Variants in TSEN2 observed in about 807,000 individuals in gnomAD.
TSEN2 encodes the protein tRNA splicing endonuclease subunit 2, also known as tRNA-splicing endonuclease subunit Sen2.
A neutral mutation model predicts 59.2 loss-of-function variants in TSEN2; 54 were observed. The observed-to-expected ratio is 0.91, with a 90% CI of 0.73 to 1.14. The LOEUF is 1.14. Ranked by LOEUF, TSEN2 falls within the 50% of genes most tolerant of loss-of-function variation. The probability of loss-of-function intolerance (pLI) is 0.00; values close to 1 mark genes in which losing one functional copy is unlikely to be tolerated. For synonymous variants in TSEN2, 195 were observed against 198.2 expected (o/e 0.98, Z 0.14); for missense variants, 636 against 576.2 (o/e 1.10, Z -1.06).
At chr3:12,496,089 A>G (rs2053718659) in intron 3 of TSEN2, among the ~76,000 whole-genome samples, 1 of 152,194 alleles carries the variant, frequency 6.6e-6, no homozygotes, top group African/African-American at 2.4e-5. Context: ...CACTGCAATC[A>G]AGTTCACTTT....
At chr3:12,532,514 T>C in intron 11 of TSEN2, 148 bp from the exon 12 acceptor site, 1 of 731,282 alleles carries the variant, frequency 1.4e-6, no homozygotes, top group South Asian at 1.7e-5. Context: ...ACATTCATTT[T>C]CTCCAGATGT....
At chr3:12,537,528 G>C (rs1386801638), downstream of TSEN2, among the ~76,000 whole-genome samples, 1 of 152,166 alleles carries the variant, frequency 6.6e-6, no homozygotes, top group Non-Finnish European at 1.5e-5. Context: ...TTTGAATGTT[G>C]ATAAAAGCAA....
intron 4 of TSEN2, among the ~76,000 whole-genome samples, chr3:12,497,452 G>A (rs1456927865): frequency 6.6e-6 from 1 of 152,212 alleles, no homozygotes; most frequent in Admixed American, 6.5e-5. Flanking sequence ...GGTGGCACCA[G>A]GGAGATCTCA....
At chr3:12,522,198 G>A (rs879472878) in intron 8 of TSEN2, among the ~76,000 whole-genome samples, 1 of 152,082 alleles carries the variant, frequency 6.6e-6, no homozygotes, top group Non-Finnish European at 1.5e-5. Context: ...ATGCATAGGG[G>A]AAGCTTCCTT....
At chr3:12,524,925 G>C (rs1194447499) in intron 8 of TSEN2, among the ~76,000 whole-genome samples, 1 of 151,784 alleles carries the variant, frequency 6.6e-6, no homozygotes, top group Non-Finnish European at 1.5e-5. Context: ...TGTATTTTTA[G>C]TAGAGACAGG....
intron 3 of TSEN2, among the ~76,000 whole-genome samples, chr3:12,493,489 G>T (rs746437735): frequency 1.3e-5 from 2 of 152,218 alleles, no homozygotes; most frequent in Non-Finnish European, 2.9e-5. Flanking sequence ...AGCACTTTGG[G>T]AGGCCGAGGC....
At chr3:12,495,126 CAA>C (rs1160986136) in intron 3 of TSEN2, among the ~76,000 whole-genome samples, 14 of 68,692 alleles carry the variant, frequency 2.0e-4, no homozygotes, top group Admixed American at 7.7e-4. Context: ...ACTCCGTCTC[CAA>C]AAAAAAAAAA....
intron 6 of TSEN2, among the ~76,000 whole-genome samples, chr3:12,507,316 C>T (rs1575335636): frequency 6.6e-6 from 1 of 152,240 alleles, no homozygotes; most frequent in African/African-American, 2.4e-5. Context: ...GATGCGTAGG[C>T]ATTCCCAGCA....
rs1326743470 is a variant in TSEN2, at chr3:12,528,955, G to C, written c.1136+31G>C. ...GAGTGATTTTTAAATAAACTAATGG[G>C]TTAAAGGGACACAAGGAATTTCTGG... On this transcript the variant is annotated intron_variant, in intron 9 of 11. Transcript: ENST00000284995. The C allele has an allele frequency of 1.9e-6, 3 of 1,612,926 alleles. No individual in the cohort carries two copies. The African/African-American group carries it at 4.0e-5, about 22-fold the overall frequency.
At chr3:12,538,652 A>C (rs1198805808), downstream of TSEN2, 3 of 156,080 alleles carry the variant, frequency 1.9e-5, no homozygotes, top group African/African-American at 7.2e-5. Context: ...GAAGTAGTAC[A>C]TCACATTTGG....
intron 1 of TSEN2, among the ~76,000 whole-genome samples, chr3:12,486,169 A>G (rs939782104): frequency 4.6e-5 from 7 of 152,220 alleles, no homozygotes; most frequent in Non-Finnish European, 8.8e-5. Context: ...TGTGCAGCAC[A>G]TGCAGTGAGT....
intron 7 of TSEN2, among the ~76,000 whole-genome samples, chr3:12,518,460 C>T (rs1393248113): frequency 6.6e-6 from 1 of 152,108 alleles, no homozygotes; most frequent in African/African-American, 2.4e-5. Flanking sequence ...CCACCACCAC[C>T]CCCTCCAGTC....
At chr3:12,494,099 A>G (rs1056136078) in intron 3 of TSEN2, among the ~76,000 whole-genome samples, 5 of 152,206 alleles carry the variant, frequency 3.3e-5, no homozygotes, top group Non-Finnish European at 7.3e-5. Flanking sequence ...TCTCACTTCT[A>G]GGAATTTATC....
chr3:12,487,960 G>T (rs1434415361), intron 1 of TSEN2, among the ~76,000 whole-genome samples: 1 of 150,350 alleles, frequency 6.7e-6, no homozygotes, highest in Non-Finnish European at 1.5e-5. Context: ...TTCTAGGAAG[G>T]TTCCAACTTC....
intron 1 of TSEN2, among the ~76,000 whole-genome samples, chr3:12,486,388 T>C (rs2052615806): frequency 6.6e-6 from 1 of 152,216 alleles, no homozygotes; most frequent in African/African-American, 2.4e-5. Context: ...CTAGAGATCA[T>C]CTGATTTGTC....
At position 12,533,040 on chromosome 3, in the gene TSEN2, G is replaced by A. The variant is rs2057561695; in HGVS notation, c.*319G>A. ...AGTCCTGAGAGGACACTTCCAACAA[G>A]AGACATTTATTCTCTGATTTTACCT... On this transcript the variant is annotated 3_prime_UTR_variant, in exon 12 of 12. Transcript: ENST00000284995. 9.2e-6 allele frequency: 4 copies of A among 436,696 alleles called. No homozygotes were observed. The highest frequency in any genetic ancestry group is 3.7e-5 in the Admixed American group (1 of 26,992). The allele number at this position is 436,696 out of a possible 1,614,324, so 27.1% of individuals were successfully genotyped here.
intron 6 of TSEN2, among the ~76,000 whole-genome samples, chr3:12,515,600 A>G (rs1462557348): frequency 6.6e-6 from 1 of 152,196 alleles, no homozygotes; most frequent in African/African-American, 2.4e-5. Flanking sequence ...GGACAGGCAA[A>G]GCCAACAACA....
intron 9 of TSEN2, among the ~76,000 whole-genome samples, chr3:12,529,550 GT>G (rs780974313): frequency 1.3e-5 from 2 of 151,326 alleles, no homozygotes; most frequent in African/African-American, 2.4e-5. Context: ...AAAAGTATTT[GT>G]TTTTTCCTGT....
At chr3:12,486,153 C>T (rs371682063) in intron 1 of TSEN2, among the ~76,000 whole-genome samples, 5 of 152,228 alleles carry the variant, frequency 3.3e-5, no homozygotes, top group African/African-American at 1.2e-4. Flanking sequence ...GACTATAGTA[C>T]CCACATGTGC....
Sources: gnomAD v4.1 joint callset for allele counts (sites outside exome capture counted in the v4.1 genomes callset) on GRCh38, gnomAD v4.1.1 for gene constraint, MANE v1.5 for transcripts, NCBI Gene and HGNC (gene_info 2026-07-23, HGNC 2026-07-21) for gene names.